PLXDC2: variants seen among roughly 807,000 people sequenced by gnomAD.
PLXDC2 encodes the protein plexin domain-containing protein 2.
PLXDC2 carries 40 observed loss-of-function variants against 68.9 expected under a neutral mutation model. The ratio of observed to expected loss-of-function variants is 0.58; its 90% confidence interval spans 0.45 to 0.76. The LOEUF is 0.76. PLXDC2 is among the 30% of genes least tolerant of loss of function. The probability of loss-of-function intolerance (pLI) is 0.00; values close to 1 mark genes in which losing one functional copy is unlikely to be tolerated. For missense variants in PLXDC2, 644 were observed against 661.9 expected, an observed-to-expected ratio of 0.97 and a Z score of 0.30; for synonymous variants, 243 against 234.2, an observed-to-expected ratio of 1.04 and a Z score of -0.34.
intron 2 of PLXDC2, among the ~76,000 whole-genome samples, chr10:20,025,109 T>G (rs1207355975): frequency 6.6e-6 from 1 of 152,170 alleles, no homozygotes; most frequent in Non-Finnish European, 1.5e-5. Flanking sequence ...CATTGCTAGT[T>G]GGTAATTCTG....
chr10:20,161,210 A>C (rs534879913), intron 6 of PLXDC2, among the ~76,000 whole-genome samples: 1 of 152,222 alleles, frequency 6.6e-6, no homozygotes, highest in East Asian at 1.9e-4. Context: ...TGCTGGTTCT[A>C]CTGATATGGG....
At chr10:20,001,112 T>A (rs1367924812) in intron 1 of PLXDC2, among the ~76,000 whole-genome samples, 2 of 152,182 alleles carry the variant, frequency 1.3e-5, no homozygotes, top group African/African-American at 4.8e-5. Context: ...ATCACTGTCA[T>A]CCTTTAGACC....
chr10:20,032,522 T>C (rs990945550), intron 2 of PLXDC2, among the ~76,000 whole-genome samples: 39 of 152,272 alleles, frequency 2.6e-4, no homozygotes, highest in African/African-American at 9.4e-4. Flanking sequence ...GGGGAACTTA[T>C]ACGAGAAACG....
chr10:20,258,176 T>C (rs1835766823), intron 13 of PLXDC2, among the ~76,000 whole-genome samples: 1 of 151,888 alleles, frequency 6.6e-6, no homozygotes, highest in South Asian at 2.1e-4. Context: ...TAATTCTTTA[T>C]ATTTTTAGTA....
At chr10:19,968,365 T>C (rs943154936) in intron 1 of PLXDC2, among the ~76,000 whole-genome samples, 3 of 152,172 alleles carry the variant, frequency 2.0e-5, no homozygotes, top group Admixed American at 2.0e-4. Context: ...CAGGCTGGAG[T>C]GCAGTGGCAC....
intron 4 of PLXDC2, among the ~76,000 whole-genome samples, chr10:20,140,983 G>A (rs1032312327): frequency 4.0e-5 from 6 of 151,506 alleles, no homozygotes; most frequent in African/African-American, 1.5e-4. Context: ...CATTTTGGTT[G>A]TAGCAACCGT....
chr10:20,156,243 CTT>C (rs1834215456), intron 6 of PLXDC2, among the ~76,000 whole-genome samples: 1 of 152,134 alleles, frequency 6.6e-6, no homozygotes, highest in South Asian at 2.1e-4. Flanking sequence ...GCGTCACTGT[CTT>C]TTGTGTGAAG....
rs942282660 is a variant in PLXDC2, at chr10:20,282,763, G to A, written c.*2944G>A. On this transcript the variant is annotated 3_prime_UTR_variant, in exon 14 of 14. Transcript: ENST00000377252. ...TGGCACTGACCATAAATGGTGGCTT[G>A]TGTGTGAAGGGTTTGGACTTCAAGA... is the stretch of plus-strand genomic sequence containing the variant. The A allele has an allele frequency of 2.0e-5, 3 of 152,148 alleles. No homozygotes were observed. The highest frequency in any genetic ancestry group is 4.4e-5 in the Non-Finnish European group (3 of 68,018). The allele number at this position is 152,148 out of a possible 1,614,324, so 9.4% of individuals were successfully genotyped here. A position where few individuals can be genotyped will look rare whatever the true frequency, so the allele number is the denominator to read the frequency against.
chr10:20,203,367 G>A (rs749572618), intron 9 of PLXDC2, among the ~76,000 whole-genome samples: 16 of 150,490 alleles, frequency 1.1e-4, no homozygotes, highest in Admixed American at 3.3e-4. Context: ...AACAGCTCAC[G>A]GCAGCCTCAG....
intron 1 of PLXDC2, among the ~76,000 whole-genome samples, chr10:19,942,632 C>T (rs1230780805): frequency 6.6e-6 from 1 of 152,238 alleles, no homozygotes; most frequent in African/African-American, 2.4e-5. Flanking sequence ...GGCATGGTGG[C>T]GTGTGCCTGT....
rs1478349633 is a variant in PLXDC2, at chr10:20,105,770, G to C, written c.542-37525G>C. On this transcript the variant is annotated intron_variant, in intron 4 of 13. Coordinates refer to ENST00000377252, the MANE Select transcript of PLXDC2 (RefSeq NM_032812.9). The stretch of plus-strand genomic sequence containing the variant: ...TCCTCATTAAGAACCTTCTAGTGAC[G>C]GGCCTGGTGCCTTGTGAGATCATCA... Among the ~76,000 whole-genome samples the C allele has an allele frequency of 2.0e-5, 3 of 152,112 alleles. No individual in the cohort carries two copies. The South Asian group carries it at 6.2e-4, about 31-fold the overall frequency.
chr10:20,062,722 A>C (rs1836128315), intron 3 of PLXDC2, among the ~76,000 whole-genome samples: 1 of 152,288 alleles, frequency 6.6e-6, no homozygotes, highest in Non-Finnish European at 1.5e-5. Context: ...GACCTTATAC[A>C]GTTTCAATAA....
intron 1 of PLXDC2, among the ~76,000 whole-genome samples, chr10:19,880,701 A>G (rs548582267): frequency 2.6e-5 from 4 of 152,290 alleles, no homozygotes; most frequent in African/African-American, 9.6e-5. Context: ...TTCTCCCAAC[A>G]TCATCTGTCT....
At chr10:19,904,392 G>A (rs1375422008) in intron 1 of PLXDC2, among the ~76,000 whole-genome samples, 3 of 151,976 alleles carry the variant, frequency 2.0e-5, no homozygotes, top group African/African-American at 7.3e-5. Flanking sequence ...CACCAGGGAA[G>A]TGAGGGAACC....
intron 2 of PLXDC2, among the ~76,000 whole-genome samples, chr10:20,033,293 A>C (rs1428319601): frequency 6.6e-6 from 1 of 152,178 alleles, no homozygotes; most frequent in Non-Finnish European, 1.5e-5. Context: ...CAGTGGATTA[A>C]AGATGGAGAG....
At chr10:20,180,002 C>T (rs1834579953) in intron 9 of PLXDC2, among the ~76,000 whole-genome samples, 1 of 152,038 alleles carries the variant, frequency 6.6e-6, no homozygotes, top group South Asian at 2.1e-4. Flanking sequence ...ATTTTCATTG[C>T]TTTCTGAAAA....
At chr10:19,866,330 T>C (rs10764173) in intron 1 of PLXDC2, among the ~76,000 whole-genome samples, 40,465 of 152,092 alleles carry the variant, frequency 0.27, 5,816 homozygotes, top group Middle Eastern at 0.36. Flanking sequence ...TTTTGCAGCT[T>C]CTAGAGCTCA....
intron 2 of PLXDC2, among the ~76,000 whole-genome samples, chr10:20,044,300 C>T (rs1441067296): frequency 9.7e-6 from 1 of 103,504 alleles, no homozygotes; most frequent in African/African-American, 3.6e-5. Flanking sequence ...TTTCTTCTTT[C>T]TCTCTCTCTC....
At chr10:20,050,728 A>AC (rs1186470361) in intron 3 of PLXDC2, among the ~76,000 whole-genome samples, 1 of 151,822 alleles carries the variant, frequency 6.6e-6, no homozygotes, top group Admixed American at 6.6e-5. Context: ...AAACAAACAA[A>AC]AAAAAACAGA....
Sources: allele counts gnomAD v4.1 joint callset (sites outside exome capture counted in the v4.1 genomes callset), GRCh38; gene constraint gnomAD v4.1.1; transcripts MANE v1.5; gene names NCBI Gene and HGNC (gene_info 2026-07-23, HGNC 2026-07-21).